Variants in RESF1 observed in about 807,000 individuals in gnomAD.
RESF1 encodes the protein gonad expressed transcript.
A neutral mutation model predicts 134.7 loss-of-function variants in RESF1; 65 were observed. That is an observed-to-expected ratio of 0.48 (90% CI 0.40 to 0.59). The LOEUF is 0.59. RESF1 is among the 20% of genes least tolerant of loss of function. The pLI is 0.00. For missense variants in RESF1, 2,274 were observed against 2,002.7 expected, an observed-to-expected ratio of 1.14 and a Z score of -2.59; for synonymous variants, 762 against 702.2, an observed-to-expected ratio of 1.09 and a Z score of -1.35.
intron 2 of RESF1, among the ~76,000 whole-genome samples, chr12:31,964,072 CTG>C (rs1411849994): frequency 6.6e-6 from 1 of 152,074 alleles, no homozygotes. Flanking sequence ...GTTATGATAA[CTG>C]TTTAACATTT....
rs1939864262 is a variant in RESF1 at position 31,983,510 on chromosome 12, C to A, written c.2555C>A (p.Pro852His). 2 of 1,614,078 alleles carry A rather than the reference C, an allele frequency of 1.2e-6. No homozygotes were observed. The highest frequency in any genetic ancestry group is 1.7e-6 in the Non-Finnish European group (2 of 1,180,002). ...ACTAATGGTAATTCAGAAGTCACAC[C>A]TAATGTCAATCAAGGAAAGCATAAC... The part of the protein sequence containing the change: ...ESTNGNSEVT[P>H]NVNQGKHNKL... Residue 852 changes from proline (P) to histidine (H), a missense_variant, in exon 4 of 6, where the codon CCT becomes CAT. Coordinates refer to ENST00000312561, the MANE Select transcript of RESF1 (RefSeq NM_018169.4).
Position 31,983,870 on chromosome 12 carries a change from A to G in RESF1, c.2915A>G (p.Gln972Arg), listed in dbSNP as rs771571034. The G allele has an allele frequency of 1.2e-6, 2 of 1,613,698 alleles. No homozygotes were observed. Among genetic ancestry groups the G allele is most frequent in the Admixed American group, 1.7e-5 (1 of 60,022 alleles). ...CTDVSHKICD[Q>R]SKSEPPLESS... ...GATGTTTCACATAAAATATGTGATC[A>G]GTCAAAGTCAGAGCCACCCTTAGAG... Residue 972 changes from glutamine to arginine, a missense_variant, in exon 4 of 6, where the codon CAG becomes CGG. Gln to Arg is a conservative substitution (Grantham distance 43). Coordinates refer to ENST00000312561, the MANE Select transcript of RESF1 (RefSeq NM_018169.4).
intron 5 of RESF1, among the ~76,000 whole-genome samples, chr12:31,991,613 CTGTTTGTTTGTT>C (rs150787872): frequency 4.0e-5 from 6 of 151,732 alleles, no homozygotes; most frequent in African/African-American, 1.2e-4. Flanking sequence ...TACAGCAATT[CTGTTTGTTTGTT>C]TGTTTGTTTG....
chr12:31,991,449 C>A (rs1002891510), intron 5 of RESF1, among the ~76,000 whole-genome samples: 4 of 152,118 alleles, frequency 2.6e-5, no homozygotes, highest in Admixed American at 1.3e-4. Flanking sequence ...TAGAAAAAGA[C>A]AAAACAAGAC....
intron 4 of RESF1, 36 bp from the exon 5 acceptor site, chr12:31,987,203 C>G: frequency 1.7e-6 from 2 of 1,145,956 alleles, no homozygotes; most frequent in Non-Finnish European, 2.6e-6. Context: ...AGATGATTAG[C>G]AATATCTAGA....
rs1939782475 is a variant in RESF1, at chr12:31,981,348, T to C, written c.393T>C (p.His131=). ...CAATGAGGAATCCTGTGCATTCTCA[T>C]ATAGGGGCAACTGTATCTCATCAAA... The part of the protein sequence containing the change: ...NSPMRNPVHS[H]IGATVSHQTD... Residue 131 remains histidine, a synonymous_variant, in exon 4 of 6, where the codon CAT becomes CAC. Coordinates refer to ENST00000312561, the MANE Select transcript of RESF1 (RefSeq NM_018169.4). The C allele has an allele frequency of 1.9e-6, 3 of 1,614,004 alleles. No individual in the cohort carries two copies. The African/African-American group carries it at 4.0e-5, about 22-fold the overall frequency.
Position 31,984,537 on chromosome 12 carries a change from G to T in RESF1, c.3582G>T (p.Lys1194Asn). 1 of 1,594,080 alleles carries T rather than the reference G, an allele frequency of 6.3e-7. No individual in the cohort carries two copies. The highest frequency in any genetic ancestry group is 8.5e-7 in the Non-Finnish European group (1 of 1,170,584). The change falls in exon 4 of 6, where the codon AAG becomes AAT. Residue 1194 changes from lysine (K) to asparagine (N), a missense_variant. Coordinates refer to ENST00000312561, the MANE Select transcript of RESF1 (RefSeq NM_018169.4). ...CCCAGTGTCAGTGTAATTCCATCAA[G>T]AACTCATCTTCAGAGGAAGAGAAAC... ...GVPQCQCNSI[K>N]NSSSEEEKQK...
At chr12:31,964,705 A>G (rs893670065) in intron 2 of RESF1, among the ~76,000 whole-genome samples, 2 of 152,164 alleles carry the variant, frequency 1.3e-5, no homozygotes, top group African/African-American at 4.8e-5. Flanking sequence ...CATTTACCTG[A>G]TGATTAGTCA....
chr12:31,977,761 A>G (rs1373687164), intron 3 of RESF1, among the ~76,000 whole-genome samples: 1 of 148,722 alleles, frequency 6.7e-6, no homozygotes, highest in East Asian at 2.0e-4. Context: ...CAAAAAATCC[A>G]CTGGGATTGT....
intron 2 of RESF1, among the ~76,000 whole-genome samples, chr12:31,964,339 C>T (rs549797158): frequency 2.6e-5 from 4 of 152,178 alleles, no homozygotes; most frequent in Non-Finnish European, 2.9e-5. Flanking sequence ...AGCCCCTCTA[C>T]ATGTCCATGT....
intron 3 of RESF1, among the ~76,000 whole-genome samples, chr12:31,977,807 T>C (rs868338359): frequency 0.14 from 20,046 of 138,374 alleles, 1,332 homozygotes; most frequent in African/African-American, 0.24. Flanking sequence ...CTTTCTTTTT[T>C]TTTTTTTTTT....
At chr12:31,992,302 C>T (rs963840378) in intron 5 of RESF1, 76 bp from the exon 6 acceptor site, 7 of 1,262,534 alleles carry the variant, frequency 5.5e-6, no homozygotes, top group African/African-American at 1.5e-5. Flanking sequence ...TATATATTTT[C>T]CCTCTGAATT....
Position 31,985,608 on chromosome 12 carries a change from T to A in RESF1, c.4653T>A (p.Asp1551Glu). Residue 1551 changes from aspartate to glutamate, a missense_variant, in exon 4 of 6, where the codon GAT becomes GAA. Asp to Glu is a conservative substitution (Grantham distance 45). Coordinates refer to ENST00000312561, the MANE Select transcript of RESF1 (RefSeq NM_018169.4). ...GGKQPDKIWI[D>E]KTKLDKLTNI... Reference sequence around the variant, plus strand: ...AGCAGCCTGATAAAATATGGATTGATAAGACTAAATTAGACAAATTAACCA... The same window carrying A: ...AGCAGCCTGATAAAATATGGATTGAAAAGACTAAATTAGACAAATTAACCA... 1 of 1,605,382 alleles carries A rather than the reference T, an allele frequency of 6.2e-7. No individual in the cohort carries two copies. The highest frequency in any genetic ancestry group is 8.5e-7 in the Non-Finnish European group (1 of 1,178,000).
At chr12:31,972,296 T>G (rs1433465029) in intron 3 of RESF1, among the ~76,000 whole-genome samples, 2 of 151,678 alleles carry the variant, frequency 1.3e-5, no homozygotes, top group Non-Finnish European at 2.9e-5. Context: ...TGGGACTTGG[T>G]GTTGGCATCA....
chr12:31,980,893 A>AC lies in RESF1; in HGVS notation c.-62dup. 1.7e-6 allele frequency: 2 copies of AC among 1,206,810 alleles called. No homozygotes were observed. The highest frequency in any genetic ancestry group is 3.1e-5 in the South Asian group (2 of 65,056). The allele number at this position is 1,206,810 out of a possible 1,614,324, so 74.8% of individuals were successfully genotyped here. On this transcript the variant is annotated 5_prime_UTR_variant, in exon 4 of 6. It introduces an in-frame stop codon into an upstream open reading frame of the 5' UTR. Coordinates refer to ENST00000312561, the MANE Select transcript of RESF1 (RefSeq NM_018169.4). ...TTTCTTACAGATTCCTGACATTCAGACAACTGACTTGTAACTGACTTATAA... is the reference window on the plus strand; with the variant it reads ...TTTCTTACAGATTCCTGACATTCAGACCAACTGACTTGTAACTGACTTATAA...
intron 3 of RESF1, among the ~76,000 whole-genome samples, chr12:31,980,236 T>C (rs1939747603): frequency 6.6e-6 from 1 of 151,008 alleles, no homozygotes; most frequent in African/African-American, 2.4e-5. Context: ...ATCAGCCTCC[T>C]GAGTAGCTGG....
At chr12:31,980,839 C>T in intron 3 of RESF1, 39 bp from the exon 4 acceptor site, 1 of 785,614 alleles carries the variant, frequency 1.3e-6, no homozygotes, top group South Asian at 2.0e-5. Flanking sequence ...TCTATCTAGG[C>T]AAAACAGCAT....
chr12:31,977,854 G>A (rs1479505959), intron 3 of RESF1, among the ~76,000 whole-genome samples: 1 of 146,470 alleles, frequency 6.8e-6, no homozygotes, highest in African/African-American at 2.5e-5. Flanking sequence ...GCCCAGGCTG[G>A]AGTGCAAATG....
rs1717572624 is a variant in RESF1 at position 31,981,939 on chromosome 12, T to C, written c.984T>C (p.Asn328=). The C allele has an allele frequency of 3.7e-6, 6 of 1,614,042 alleles. No individual in the cohort carries two copies. The highest frequency in any genetic ancestry group is 5.1e-6 in the Non-Finnish European group (6 of 1,180,036). ...TSFQQQWQNP[N]ENVSTIGNFT... ...TTCAACAGCAGTGGCAAAACCCTAA[T>C]GAAAATGTCAGCACAATTGGAAATT... Residue 328 remains asparagine (N), a synonymous_variant, in exon 4 of 6, where the codon AAT becomes AAC. Coordinates refer to ENST00000312561, the MANE Select transcript of RESF1 (RefSeq NM_018169.4).
Sources: allele counts gnomAD v4.1 joint callset (sites outside exome capture counted in the v4.1 genomes callset), GRCh38; gene constraint gnomAD v4.1.1; transcripts MANE v1.5; gene names NCBI Gene and HGNC (gene_info 2026-07-23, HGNC 2026-07-21).